MYO5B: variants seen among roughly 807,000 people sequenced by gnomAD.
The protein encoded by MYO5B is myosin VB.
MYO5B carries 143 observed loss-of-function variants against 229.3 expected under a neutral mutation model. That is an observed-to-expected ratio of 0.62 (90% CI 0.54 to 0.72). The LOEUF is 0.72. MYO5B is among the 30% of genes least tolerant of loss of function. MYO5B has a pLI of 0.00. For missense variants in MYO5B, 2,321 were observed against 2,331.0 expected, an observed-to-expected ratio of 1.00 and a Z score of 0.09; for synonymous variants, 918 against 885.2, an observed-to-expected ratio of 1.04 and a Z score of -0.66.
At chr18:49,989,278 G>C (rs1013951951) in intron 7 of MYO5B, among the ~76,000 whole-genome samples, 2 of 152,222 alleles carry the variant, frequency 1.3e-5, no homozygotes, top group East Asian at 3.8e-4. Context: ...ATGGATTTCA[G>C]CTACTGGGAG....
rs532596665 is a variant in MYO5B, at chr18:50,180,195, G to C, written c.27+14572C>G. Among the ~76,000 whole-genome samples, 264 of 152,330 alleles carry C rather than the reference G, an allele frequency of 1.7e-3. 1 individual carries two copies. The highest frequency in any genetic ancestry group is 6.8e-3 in the Middle Eastern group (2 of 294). The stretch of plus-strand genomic sequence containing the variant: ...CTCAGAACCTGAGGAGCTGGAGCCA[G>C]TGATTCAGCAGACAGAGCTCCCTTC... On this transcript the variant is annotated intron_variant, in intron 1 of 39. Transcript: ENST00000285039.
At chr18:49,967,450 T>TA (rs1012026185) in intron 10 of MYO5B, among the ~76,000 whole-genome samples, 2 of 152,346 alleles carry the variant, frequency 1.3e-5, no homozygotes, top group Non-Finnish European at 2.9e-5. Flanking sequence ...TCAAAGGAAC[T>TA]AAAATCTCCT....
At chr18:50,131,152 C>T (rs984493858) in intron 1 of MYO5B, among the ~76,000 whole-genome samples, 2 of 152,194 alleles carry the variant, frequency 1.3e-5, no homozygotes, top group Non-Finnish European at 2.9e-5. Flanking sequence ...AAGCCCTATA[C>T]TAGCTAATAT....
At chr18:50,174,231 G>C (rs1159714802) in intron 1 of MYO5B, among the ~76,000 whole-genome samples, 1 of 152,084 alleles carries the variant, frequency 6.6e-6, no homozygotes, top group African/African-American at 2.4e-5. Context: ...CATAAAAGGA[G>C]GTTTATTATG....
chr18:50,178,633 C>G (rs566574092), intron 1 of MYO5B, among the ~76,000 whole-genome samples: 1 of 152,306 alleles, frequency 6.6e-6, no homozygotes, highest in African/African-American at 2.4e-5. Context: ...ACTCAGCTGC[C>G]TCACTTTAGA....
intron 29 of MYO5B, among the ~76,000 whole-genome samples, chr18:49,862,766 A>G (rs147027120): frequency 1.3e-4 from 20 of 152,278 alleles, no homozygotes; most frequent in African/African-American, 4.8e-4. Context: ...TCCACCCCCA[A>G]GTGCCCAGCT....
At chr18:49,837,204 G>A (rs2023997869) in intron 37 of MYO5B, among the ~76,000 whole-genome samples, 1 of 152,202 alleles carries the variant, frequency 6.6e-6, no homozygotes, top group African/African-American at 2.4e-5. Context: ...ATACTTCTAT[G>A]TGAGCCTTCA....
chr18:49,843,747 T>C (rs1211844161), intron 33 of MYO5B, among the ~76,000 whole-genome samples: 2 of 152,170 alleles, frequency 1.3e-5, no homozygotes, highest in Non-Finnish European at 2.9e-5. Context: ...CCATGGCAAG[T>C]GGAAGGCTGA....
At chr18:50,118,260 G>C (rs1428230904) in intron 1 of MYO5B, among the ~76,000 whole-genome samples, 1 of 152,148 alleles carries the variant, frequency 6.6e-6, no homozygotes, top group Non-Finnish European at 1.5e-5. Context: ...GTCACCATAG[G>C]ACCAGCAGAC....
intron 1 of MYO5B, among the ~76,000 whole-genome samples, chr18:50,082,955 C>T (rs889620373): frequency 3.9e-5 from 6 of 152,174 alleles, no homozygotes; most frequent in Non-Finnish European, 5.9e-5. Flanking sequence ...CTGGAGACCC[C>T]ACAGATTAAG....
intron 22 of MYO5B, among the ~76,000 whole-genome samples, chr18:49,885,376 G>A (rs1285279620): frequency 1.3e-5 from 2 of 152,174 alleles, no homozygotes; most frequent in Non-Finnish European, 1.5e-5. Flanking sequence ...CAACCTAGGA[G>A]ATGACCACGT....
At chr18:49,842,095 GAAAAAAA>G (rs1178864496) in intron 34 of MYO5B, among the ~76,000 whole-genome samples, 1 of 96,872 alleles carries the variant, frequency 1.0e-5, no homozygotes, top group Non-Finnish European at 2.2e-5. Flanking sequence ...ACGACCAAAA[GAAAAAAA>G]AAAAAAAAGA....
intron 29 of MYO5B, among the ~76,000 whole-genome samples, chr18:49,861,170 T>C (rs1163104333): frequency 1.3e-5 from 2 of 152,244 alleles, no homozygotes; most frequent in African/African-American, 4.8e-5. Flanking sequence ...AGGCTATTAA[T>C]TTCCTATTGT....
In MYO5B at chr18:49,880,544, T is replaced by C. The variant is rs1047164804; in HGVS notation, c.3046-89A>G. The stretch of plus-strand genomic sequence containing the variant: ...GGGATTTGAATTTTAACTGGATACA[T>C]GTAAATGCTCTTTTTAAGAAAATTG... On this transcript the variant is annotated intron_variant, in intron 22 of 39. Coordinates refer to ENST00000285039, the MANE Select transcript of MYO5B (RefSeq NM_001080467.3). 6.7e-5 allele frequency: 64 copies of C among 956,262 alleles called. No individual in the cohort carries two copies. In the African/African-American group the frequency reaches 8.8e-4, roughly 13 times the overall value. 59.2% of individuals were successfully genotyped at this position (956,262 alleles called of 1,614,324 possible). A position where few individuals can be genotyped will look rare whatever the true frequency, so the allele number is the denominator to read the frequency against.
chr18:50,125,360 G>A (rs1021067250), intron 1 of MYO5B, among the ~76,000 whole-genome samples: 27 of 133,590 alleles, frequency 2.0e-4, no homozygotes, highest in African/African-American at 6.8e-4. Flanking sequence ...ATCACACACC[G>A]GACCCTGTTG....
intron 1 of MYO5B, among the ~76,000 whole-genome samples, chr18:50,173,296 A>C (rs951763077): frequency 6.7e-6 from 1 of 150,120 alleles, no homozygotes; most frequent in African/African-American, 2.4e-5. Flanking sequence ...AAAAAAGAGG[A>C]GGCCAGTGCG....
chr18:49,955,969 G>T (rs1389753647), intron 12 of MYO5B, among the ~76,000 whole-genome samples: 1 of 152,206 alleles, frequency 6.6e-6, no homozygotes, highest in African/African-American at 2.4e-5. Flanking sequence ...CGTAAAATTG[G>T]CTAGGAACAA....
chr18:49,841,536 T>A, intron 34 of MYO5B, 82 bp from the exon 35 acceptor site: 2 of 1,284,660 alleles, frequency 1.6e-6, no homozygotes, highest in Non-Finnish European at 2.3e-6. Flanking sequence ...TCCCCACATT[T>A]CCTACCCTTA....
chr18:49,866,269 C>T (rs2024395310), intron 27 of MYO5B, among the ~76,000 whole-genome samples: 1 of 151,810 alleles, frequency 6.6e-6, no homozygotes, highest in Non-Finnish European at 1.5e-5. Flanking sequence ...TGGGGTTTCA[C>T]CATGTTAGTC....
Sources: gnomAD v4.1 joint callset for allele counts (sites outside exome capture counted in the v4.1 genomes callset) on GRCh38, gnomAD v4.1.1 for gene constraint, MANE v1.5 for transcripts, NCBI Gene and HGNC (gene_info 2026-07-23, HGNC 2026-07-21) for gene names.